ZSWIM6: variants seen among roughly 807,000 people sequenced by gnomAD.
ZSWIM6 encodes zinc finger SWIM domain-containing protein 6.
Under a neutral mutation model 113.2 loss-of-function variants are expected in ZSWIM6, and 9 were observed. The ratio of observed to expected loss-of-function variants is 0.08; its 90% confidence interval spans 0.05 to 0.14. ZSWIM6 has a LOEUF of 0.14. Ranked by LOEUF, ZSWIM6 falls within the 10% of genes least tolerant of loss-of-function variation. The probability of loss-of-function intolerance (pLI) is 1.00; values close to 1 mark genes in which losing one functional copy is unlikely to be tolerated. For synonymous variants in ZSWIM6, 611 were observed against 606.5 expected (o/e 1.01, Z -0.11); for missense variants, 1,162 against 1,552.2 (o/e 0.75, Z 4.22).
chr5:61,504,956 T>A (rs1468610394), intron 4 of ZSWIM6, among the ~76,000 whole-genome samples: 1 of 152,120 alleles, frequency 6.6e-6, no homozygotes, highest in Non-Finnish European at 1.5e-5. Flanking sequence ...TTAAGACAAC[T>A]ATAGAAACAA....
At chr5:61,467,553 A>G (rs1470369205) in intron 1 of ZSWIM6, among the ~76,000 whole-genome samples, 1 of 152,200 alleles carries the variant, frequency 6.6e-6, no homozygotes, top group African/African-American at 2.4e-5. Context: ...TAAAATATTG[A>G]TCTTGTGGAC....
chr5:61,368,808 G>A (rs141286462), intron 1 of ZSWIM6, among the ~76,000 whole-genome samples: 64 of 152,272 alleles, frequency 4.2e-4, no homozygotes, highest in African/African-American at 1.5e-3. Context: ...GTAAGGGGAG[G>A]AGAAGCAAAT....
intron 1 of ZSWIM6, among the ~76,000 whole-genome samples, chr5:61,398,840 A>G (rs1745889178): frequency 6.6e-6 from 1 of 151,638 alleles, no homozygotes; most frequent in African/African-American, 2.4e-5. Flanking sequence ...TAGTGAGAGA[A>G]GGAAGGATGA....
chr5:61,427,802 T>C (rs1408803905), intron 1 of ZSWIM6, among the ~76,000 whole-genome samples: 1 of 152,220 alleles, frequency 6.6e-6, no homozygotes, highest in African/African-American at 2.4e-5. Flanking sequence ...TTTAAATCTA[T>C]GGTTGGTTGA....
At position 61,334,109 on chromosome 5, in the gene ZSWIM6, G is replaced by A. The variant is rs547114889; in HGVS notation, c.676+1161G>A. 7.2e-5 allele frequency among the ~76,000 whole-genome samples: 11 copies of A among 152,326 alleles called. No individual in the cohort carries two copies. In the South Asian group the frequency reaches 1.0e-3, roughly 14 times the overall value. ...AGGGCTTGTAAAGTAGAATATATTT[G>A]ACAAAGGCGAGAGAAGGACTTGTGA... On this transcript the variant is annotated intron_variant, in intron 1 of 13. Transcript: ENST00000252744.
At chr5:61,422,415 C>T (rs900995490) in intron 1 of ZSWIM6, among the ~76,000 whole-genome samples, 1 of 152,124 alleles carries the variant, frequency 6.6e-6, no homozygotes, top group Non-Finnish European at 1.5e-5. Flanking sequence ...TGTTCTATTC[C>T]ACTTACTAAG....
intron 1 of ZSWIM6, among the ~76,000 whole-genome samples, chr5:61,417,940 T>C (rs1353793391): frequency 6.6e-6 from 1 of 152,174 alleles, no homozygotes; most frequent in Admixed American, 6.5e-5. Context: ...TGGTAGAGTT[T>C]TAGAATTCGA....
chr5:61,482,337 G>A (rs1252374847), intron 2 of ZSWIM6, among the ~76,000 whole-genome samples: 10 of 150,694 alleles, frequency 6.6e-5, no homozygotes, highest in Admixed American at 4.0e-4. Flanking sequence ...ATCACACACC[G>A]GGGCCTGTTG....
intron 1 of ZSWIM6, among the ~76,000 whole-genome samples, chr5:61,367,554 G>C (rs1302204561): frequency 6.6e-6 from 1 of 152,128 alleles, no homozygotes; most frequent in Non-Finnish European, 1.5e-5. Flanking sequence ...AGGTCCTTAC[G>C]TGCCTTTTGT....
At chr5:61,427,667 G>A (rs1050649701) in intron 1 of ZSWIM6, among the ~76,000 whole-genome samples, 1 of 151,668 alleles carries the variant, frequency 6.6e-6, no homozygotes, top group African/African-American at 2.4e-5. Context: ...TTTTTGTAGA[G>A]ACAGGGACTC....
At position 61,529,975 on chromosome 5, in the gene ZSWIM6, A is replaced by C. The variant is rs999171408; in HGVS notation, c.1838-77A>C. Reference sequence around the variant, plus strand: ...ATCAGGATGCTGCTATTAAATGGTAAAGCCTCTGTTTTCCCCACTTCTTTC... The same window carrying C: ...ATCAGGATGCTGCTATTAAATGGTACAGCCTCTGTTTTCCCCACTTCTTTC... On this transcript the variant is annotated intron_variant, in intron 7 of 13. Coordinates refer to ENST00000252744, the MANE Select transcript of ZSWIM6 (RefSeq NM_020928.2). The C allele has an allele frequency of 3.2e-5, 42 of 1,302,098 alleles. No individual in the cohort carries two copies. The African/African-American group carries it at 5.3e-4, about 17-fold the overall frequency. 80.7% of individuals were successfully genotyped at this position (1,302,098 alleles called of 1,614,324 possible). A position where few individuals can be genotyped will look rare whatever the true frequency, so the allele number is the denominator to read the frequency against.
chr5:61,449,417 AT>A (rs1561242009), intron 1 of ZSWIM6, among the ~76,000 whole-genome samples: 1 of 152,012 alleles, frequency 6.6e-6, no homozygotes, highest in African/African-American at 2.4e-5. Context: ...TTGTTTAGGG[AT>A]GGGGTCTTAC....
intron 3 of ZSWIM6, 137 bp downstream of exon 3, chr5:61,491,071 T>C: frequency 4.0e-6 from 3 of 751,960 alleles, no homozygotes; most frequent in Non-Finnish European, 5.6e-6. Context: ...TAGAAACTTT[T>C]GTATTGTAAT....
At chr5:61,345,963 G>T (rs539899653) in intron 1 of ZSWIM6, among the ~76,000 whole-genome samples, 2 of 152,136 alleles carry the variant, frequency 1.3e-5, no homozygotes, top group Non-Finnish European at 2.9e-5. Context: ...TCTTTTTGTT[G>T]AAACAGAGTG....
chr5:61,445,767 G>A (rs1746937209), intron 1 of ZSWIM6, among the ~76,000 whole-genome samples: 1 of 152,104 alleles, frequency 6.6e-6, no homozygotes, highest in African/African-American at 2.4e-5. Context: ...AATGAAAATT[G>A]AAAGCAAAAG....
intron 1 of ZSWIM6, among the ~76,000 whole-genome samples, chr5:61,373,195 C>T (rs745582018): frequency 6.6e-6 from 1 of 152,086 alleles, no homozygotes; most frequent in Non-Finnish European, 1.5e-5. Context: ...AGTCCTCCCA[C>T]CTTGGCCTTC....
intron 2 of ZSWIM6, among the ~76,000 whole-genome samples, chr5:61,476,324 G>A (rs964678275): frequency 6.6e-6 from 1 of 152,012 alleles, no homozygotes; most frequent in Non-Finnish European, 1.5e-5. Context: ...ATTTATAATT[G>A]CAATAGTGTG....
chr5:61,333,009 G>GGGGGGGCC, intron 1 of ZSWIM6, 61 bp downstream of exon 1: 3 of 439,844 alleles, frequency 6.8e-6, no homozygotes, highest in Non-Finnish European at 9.6e-6. Flanking sequence ...TGGGGGGGGG[G>GGGGGGGCC]TGCCCGCCTT....
At chr5:61,442,930 T>C (rs552298866) in intron 1 of ZSWIM6, among the ~76,000 whole-genome samples, 41 of 152,330 alleles carry the variant, frequency 2.7e-4, no homozygotes, top group African/African-American at 9.6e-4. Context: ...TCAGCAATGC[T>C]TCAAACAAAC....
Sources: gnomAD v4.1 joint callset for allele counts (sites outside exome capture counted in the v4.1 genomes callset) on GRCh38, gnomAD v4.1.1 for gene constraint, MANE v1.5 for transcripts, NCBI Gene and HGNC (gene_info 2026-07-23, HGNC 2026-07-21) for gene names.